ARHGAP5: variants seen among roughly 807,000 people sequenced by gnomAD.
ARHGAP5 encodes the protein Rho GTPase activating protein 5.
In ARHGAP5, 23 loss-of-function variants were observed where a neutral mutation model predicts 116.6. That is an observed-to-expected ratio of 0.20 (90% CI 0.14 to 0.28). ARHGAP5 has a LOEUF of 0.28. Among genes scored for constraint, ARHGAP5 ranks in the 10% least tolerant of loss-of-function variants. The probability of loss-of-function intolerance (pLI) is 1.00; values close to 1 mark genes in which losing one functional copy is unlikely to be tolerated. For synonymous variants in ARHGAP5, 574 were observed against 602.0 expected, an observed-to-expected ratio of 0.95 and a Z score of 0.68; for missense variants, 1,405 against 1,774.8, an observed-to-expected ratio of 0.79 and a Z score of 3.74.
In ARHGAP5 at chr14:32,092,167, C is replaced by G. The variant is rs1878288999; in HGVS notation, c.1498C>G (p.Leu500Val). 2 of 1,613,670 alleles carry G rather than the reference C, an allele frequency of 1.2e-6. No homozygotes were observed. The highest frequency in any genetic ancestry group is 1.7e-6 in the Non-Finnish European group (2 of 1,179,756). ...FQEMLFEHSE[L>V]FYDLDLNATP... Reference sequence around the variant, plus strand: ...AGAAATGCTTTTTGAGCATTCTGAACTTTTTTATGATTTAGATCTTAATGC... The same window carrying G: ...AGAAATGCTTTTTGAGCATTCTGAAGTTTTTTATGATTTAGATCTTAATGC... Residue 500 changes from leucine to valine, a missense_variant, in exon 2 of 7, where the codon CTT becomes GTT. Physicochemically the swap from Leu to Val is conservative, Grantham distance 32 (BLOSUM62 1). Transcript: ENST00000345122. This position sits in a 1 kb window ranked among gnomAD's most constrained non-coding sequence, Gnocchi z 4.1.
At chr14:32,124,067 A>G (rs1880024954) in intron 3 of ARHGAP5, among the ~76,000 whole-genome samples, 1 of 152,052 alleles carries the variant, frequency 6.6e-6, no homozygotes, top group Non-Finnish European at 1.5e-5. Flanking sequence ...CTACCCCACA[A>G]ATTCTAGCCT....
chr14:32,142,502 T>TTGCTGC, intron 3 of ARHGAP5, among the ~76,000 whole-genome samples: 2 of 152,232 alleles, frequency 1.3e-5, no homozygotes, highest in African/African-American at 2.4e-5. Flanking sequence ...TCTGTTCTAT[T>TTGCTGC]CACTTTGCGG....
At chr14:32,102,202 T>G (rs533152329) in intron 2 of ARHGAP5, among the ~76,000 whole-genome samples, 57 of 152,336 alleles carry the variant, frequency 3.7e-4, no homozygotes, top group African/African-American at 1.3e-3. Flanking sequence ...AACATCCCCT[T>G]AGGGGAGAAA....
At chr14:32,084,444 A>C (rs1415314137) in intron 1 of ARHGAP5, among the ~76,000 whole-genome samples, 2 of 152,204 alleles carry the variant, frequency 1.3e-5, no homozygotes, top group African/African-American at 4.8e-5. Flanking sequence ...AAAGCAGTAC[A>C]TAATTTTTGT....
At chr14:32,079,617 T>G (rs2041752092) in intron 1 of ARHGAP5, among the ~76,000 whole-genome samples, 1 of 152,214 alleles carries the variant, frequency 6.6e-6, no homozygotes, top group Non-Finnish European at 1.5e-5. Flanking sequence ...GTAGCGATAA[T>G]AAGTTTTCTA....
chr14:32,080,524 G>C (rs531613675), intron 1 of ARHGAP5, among the ~76,000 whole-genome samples: 1 of 151,006 alleles, frequency 6.6e-6, no homozygotes, highest in African/African-American at 2.4e-5. Flanking sequence ...TCTCTGATTC[G>C]TTATTCATTA....
At chr14:32,141,852 A>T (rs1353078484) in intron 3 of ARHGAP5, among the ~76,000 whole-genome samples, 1 of 151,978 alleles carries the variant, frequency 6.6e-6, no homozygotes, top group Non-Finnish European at 1.5e-5. Flanking sequence ...TCTAACCTCC[A>T]TGGTTTCTGA....
intron 4 of ARHGAP5, among the ~76,000 whole-genome samples, chr14:32,149,496 G>A (rs940114522): frequency 1.3e-5 from 2 of 152,056 alleles, no homozygotes; most frequent in East Asian, 1.9e-4. Context: ...GGGGCCAGGC[G>A]CCGTGGCTCA....
chr14:32,118,496 CAA>C (rs879402795), intron 3 of ARHGAP5, among the ~76,000 whole-genome samples: 1 of 138,420 alleles, frequency 7.2e-6, no homozygotes, highest in Non-Finnish European at 1.6e-5. Context: ...GACTCCATCT[CAA>C]AAAAAAAAAG....
At chr14:32,154,460 T>G (rs1376655989) in intron 6 of ARHGAP5, 161 bp from the exon 7 acceptor site, 5 of 682,068 alleles carry the variant, frequency 7.3e-6, no homozygotes, top group South Asian at 4.1e-5. Context: ...AGGAAAAGTT[T>G]TTTACATACG....
chr14:32,107,356 G>C (rs1428693882), intron 2 of ARHGAP5, among the ~76,000 whole-genome samples: 1 of 152,120 alleles, frequency 6.6e-6, no homozygotes, highest in African/African-American at 2.4e-5. Context: ...AACTCCTATA[G>C]GAATGAAGAA....
chr14:32,106,713 C>T (rs1879038015), intron 2 of ARHGAP5, among the ~76,000 whole-genome samples: 2 of 152,160 alleles, frequency 1.3e-5, no homozygotes, highest in Non-Finnish European at 2.9e-5. Context: ...CTTATTCATT[C>T]CCACACGTAC....
chr14:32,114,945 A>G (rs1464094219), intron 2 of ARHGAP5, among the ~76,000 whole-genome samples: 7 of 152,244 alleles, frequency 4.6e-5, no homozygotes, highest in Non-Finnish European at 7.3e-5. Flanking sequence ...GTCCAATTTG[A>G]AAACCAGTAC....
intron 3 of ARHGAP5, among the ~76,000 whole-genome samples, chr14:32,127,259 G>C (rs1880210803): frequency 6.6e-6 from 1 of 152,012 alleles, no homozygotes; most frequent in South Asian, 2.1e-4. Context: ...ACAGTGGAGA[G>C]AAGGTCAGCA....
At chr14:32,079,755 T>TA (rs1310110922) in intron 1 of ARHGAP5, among the ~76,000 whole-genome samples, 1 of 152,146 alleles carries the variant, frequency 6.6e-6, no homozygotes, top group Non-Finnish European at 1.5e-5. Context: ...AATGGCATAA[T>TA]AGAGATTTTC....
At chr14:32,152,714 T>G (rs1881699105) in intron 6 of ARHGAP5, among the ~76,000 whole-genome samples, 186 bp downstream of exon 6, 1 of 152,228 alleles carries the variant, frequency 6.6e-6, no homozygotes, top group Non-Finnish European at 1.5e-5. Flanking sequence ...AATTATTATA[T>G]AAATAGTAAG....
rs947355511 is a variant in ARHGAP5, at chr14:32,158,900, C to T, written c.*3952C>T. Reference sequence around the variant, plus strand: ...CTGGTCTTTTTGAAGCAGTTAAAATCTAATTAATTAACTTTGGGAGTCTTC... The same window carrying T: ...CTGGTCTTTTTGAAGCAGTTAAAATTTAATTAATTAACTTTGGGAGTCTTC... On this transcript the variant is annotated 3_prime_UTR_variant, in exon 7 of 7. Coordinates refer to ENST00000345122, the MANE Select transcript of ARHGAP5 (RefSeq NM_001030055.2). 2 of 151,986 alleles carry T rather than the reference C, an allele frequency of 1.3e-5. No homozygotes were observed. Among genetic ancestry groups the T allele is most frequent in the Non-Finnish European group, 2.9e-5 (2 of 67,908 alleles). The allele number at this position is 151,986 out of a possible 1,614,324, so 9.4% of individuals were successfully genotyped here.
At chr14:32,148,999 G>A (rs946983664) in intron 4 of ARHGAP5, among the ~76,000 whole-genome samples, 2 of 151,974 alleles carry the variant, frequency 1.3e-5, no homozygotes, top group Non-Finnish European at 2.9e-5. Flanking sequence ...TACAAATTGA[G>A]TACCCCTTAT....
chr14:32,154,902 A>G lies in ARHGAP5; in HGVS notation c.4463A>G (p.Gln1488Arg). The change falls in exon 7 of 7, where the codon CAG becomes CGG. Residue 1488 changes from glutamine (Q) to arginine (R), a missense_variant. Gln to Arg is a conservative substitution (Grantham distance 43, BLOSUM62 1). Transcript: ENST00000345122. ...CAGTTGCCGCCACCATTGCAACCTC[A>G]GCTGATACAACCACAATTACAAACG... ...PLQLPPPLQP[Q>R]LIQPQLQTDP... The G allele has an allele frequency of 6.2e-7, 1 of 1,613,976 alleles. No homozygotes were observed. Among genetic ancestry groups the G allele is most frequent in the Non-Finnish European group, 8.5e-7 (1 of 1,179,886 alleles).
Sources: gnomAD v4.1 joint callset for allele counts (sites outside exome capture counted in the v4.1 genomes callset) on GRCh38, gnomAD v4.1.1 for gene constraint, Gnocchi (gnomAD v3.1) non-coding constraint, MANE v1.5 for transcripts, NCBI Gene and HGNC (gene_info 2026-07-23, HGNC 2026-07-21) for gene names.